Variants in PPM1F observed in about 807,000 individuals in gnomAD.
PPM1F encodes protein phosphatase, Mg2+/Mn2+ dependent 1F.
Under a neutral mutation model 35.5 loss-of-function variants are expected in PPM1F, and 17 were observed. The observed-to-expected ratio is 0.48, with a 90% CI of 0.33 to 0.72. The LOEUF is 0.72. PPM1F is among the 30% of genes least tolerant of loss of function. The pLI, the probability that PPM1F is intolerant of heterozygous loss-of-function variation, is 0.02. For missense variants in PPM1F, 521 were observed against 613.0 expected, an observed-to-expected ratio of 0.85 and a Z score of 1.59; for synonymous variants, 241 against 255.5, an observed-to-expected ratio of 0.94 and a Z score of 0.54.
chr22:21,937,802 G>C (rs1243403976), intron 3 of PPM1F: 1 of 265,328 alleles, frequency 3.8e-6, no homozygotes, highest in Non-Finnish European at 7.6e-6. Context: ...GGCTGAGGCA[G>C]TGCTGCCCAG....
intron 7 of PPM1F, among the ~76,000 whole-genome samples, chr22:21,924,597 G>A (rs1012013900): frequency 3.0e-5 from 4 of 135,276 alleles, no homozygotes; most frequent in South Asian, 2.3e-4. Context: ...TTGAGACACA[G>A]TCTGGCTCTG....
chr22:21,935,025 G>T (rs5995269), intron 3 of PPM1F: 2 of 151,974 alleles, frequency 1.3e-5, no homozygotes, highest in African/African-American at 4.8e-5. Context: ...AACAATGAAG[G>T]CTGTTCACAT....
At chr22:21,928,090 C>T (rs2070542405) in intron 6 of PPM1F, among the ~76,000 whole-genome samples, 1 of 151,538 alleles carries the variant, frequency 6.6e-6, no homozygotes. Context: ...CTGCCCAGCG[C>T]CCACCCCCTC....
chr22:21,925,376 T>A (rs1238776545), intron 7 of PPM1F, 193 bp downstream of exon 7: 1 of 563,704 alleles, frequency 1.8e-6, no homozygotes, highest in Non-Finnish European at 3.3e-6. Flanking sequence ...TAACTTACAC[T>A]CAGACACTGG....
In PPM1F at chr22:21,920,879, G is replaced by A. The variant is rs902022195; in HGVS notation, c.*2213C>T. On this transcript the variant is annotated 3_prime_UTR_variant, in exon 8 of 8. Coordinates refer to ENST00000263212, the MANE Select transcript of PPM1F (RefSeq NM_014634.4). ...CTCTCTTCGTCAAGGTTATGCCCAC[G>A]GGCAGGGTGGGCTAGTGGTGAGGGT... is the stretch of plus-strand genomic sequence containing the variant. The A allele has an allele frequency of 2.6e-5, 4 of 152,232 alleles. No individual in the cohort carries two copies. Among genetic ancestry groups the A allele is most frequent in the African/African-American group, 9.7e-5 (4 of 41,450 alleles). The allele number at this position is 152,232 out of a possible 1,614,324, so 9.4% of individuals were successfully genotyped here. A position where few individuals can be genotyped will look rare whatever the true frequency, so the allele number is the denominator to read the frequency against.
At chr22:21,947,413 G>A (rs2070788096) in intron 1 of PPM1F, 1 of 152,218 alleles carries the variant, frequency 6.6e-6, no homozygotes, top group African/African-American at 2.4e-5. Context: ...TAACACTCAG[G>A]CTGGGAAACT....
chr22:21,939,660 G>GC lies in PPM1F; in HGVS notation c.226dup (p.Ala76GlyfsTer35), dbSNP rs1467489254. The GC allele has an allele frequency of 6.4e-7, 1 of 1,553,488 alleles. No homozygotes were observed. The highest frequency in any genetic ancestry group is 8.7e-7 in the Non-Finnish European group (1 of 1,147,762). ...AACTGCTTCGTGGGCCAGAGCAGCA[G>GC]CAAGTGGTGGCGGGGCCTTCCTAGG... On this transcript the variant is annotated frameshift_variant, in exon 3 of 8. Transcript: ENST00000263212. LOFTEE classifies it high-confidence loss of function. This position sits in a 1 kb window ranked among gnomAD's most constrained non-coding sequence, Gnocchi z 5.1.
At position 21,924,228 on chromosome 22, in the gene PPM1F, C is replaced by T. The variant is rs2070482974; in HGVS notation, c.986-757G>A. ...AGTGCCCACAGCCTGAGACCCGGCA[C>T]TGACCGCATGCTGAGACAATGAGAT... is the stretch of plus-strand genomic sequence containing the variant. On this transcript the variant is annotated intron_variant, in intron 7 of 7. Transcript: ENST00000263212. Among the ~76,000 whole-genome samples the T allele has an allele frequency of 2.0e-5, 3 of 151,256 alleles. No homozygotes were observed. The South Asian group carries it at 6.3e-4, about 32-fold the overall frequency.
Position 21,938,441 on chromosome 22 carries a change from C to T in PPM1F, c.355+1091G>A, listed in dbSNP as rs542629629. 116 of 1,150,852 alleles carry T rather than the reference C, an allele frequency of 1.0e-4. 2 individuals are homozygous for T. The African/African-American group carries it at 1.9e-3, about 19-fold the overall frequency. The allele number at this position is 1,150,852 out of a possible 1,614,324, so 71.3% of individuals were successfully genotyped here. On this transcript the variant is annotated intron_variant, in intron 3 of 7. Transcript: ENST00000263212. ...GCGGGCAGGGAGCCAGGGCGGAGGGCAGAGGACGAGAGCGAGGAGGAGAGC... is the reference window on the plus strand; with the variant it reads ...GCGGGCAGGGAGCCAGGGCGGAGGGTAGAGGACGAGAGCGAGGAGGAGAGC...
intron 6 of PPM1F, among the ~76,000 whole-genome samples, chr22:21,927,942 G>GTTTTTTTTTTTTTTTTTTTTT (rs60216371): frequency 5.5e-4 from 41 of 75,146 alleles, no homozygotes; most frequent in South Asian, 1.3e-3. Flanking sequence ...TTTTTGTTTT[G>GTTTTTTTTTTTTTTTTTTTTT]TTTTTTTTTT....
intron 2 of PPM1F, chr22:21,944,319 A>C (rs2070756270): frequency 6.6e-6 from 1 of 152,222 alleles, no homozygotes; most frequent in Non-Finnish European, 1.5e-5. Context: ...GACACTTAGC[A>C]ATGTTTGTGC....
intron 3 of PPM1F, chr22:21,936,431 G>A (rs2070659944): frequency 6.6e-6 from 1 of 152,120 alleles, no homozygotes. Flanking sequence ...TTCATTACAA[G>A]TGTTAGTCTC....
At chr22:21,933,682 T>C (rs776615466) in intron 4 of PPM1F, 103 bp from the exon 5 acceptor site, 105 of 1,113,702 alleles carry the variant, frequency 9.4e-5, no homozygotes, top group Non-Finnish European at 1.3e-4. Flanking sequence ...AGAATCAGTA[T>C]GGCCTTCGCC....
intron 3 of PPM1F, chr22:21,938,434 C>T (rs1328954353): frequency 3.5e-6 from 4 of 1,154,026 alleles, no homozygotes; most frequent in Non-Finnish European, 4.3e-6. Flanking sequence ...GGAGCCAGGG[C>T]GGAGGGCAGA....
In PPM1F at chr22:21,946,029, T is replaced by C; in HGVS notation, c.20A>G (p.Gln7Arg). Residue 7 changes from glutamine to arginine, a missense_variant, in exon 2 of 8, where the codon CAG (glutamine) becomes CGG (arginine). This residue lies in a region of PPM1F where 311 missense variants were observed against 351.5 expected (regional missense o/e 0.88). Coordinates refer to ENST00000263212, the MANE Select transcript of PPM1F (RefSeq NM_014634.4). ...TCCACTGGCCATTGGGCTGCTCTTCTGTGGGGCTCCAGAGGACATGCCCAA... is the reference window on the plus strand; with the variant it reads ...TCCACTGGCCATTGGGCTGCTCTTCCGTGGGGCTCCAGAGGACATGCCCAA... MSSGAP[Q>R]KSSPMASGAE... is the part of the protein sequence containing the mutation. The C allele has an allele frequency of 6.4e-7, 1 of 1,562,392 alleles. No individual in the cohort carries two copies. Among genetic ancestry groups the C allele is most frequent in the Non-Finnish European group, 8.7e-7 (1 of 1,152,354 alleles).
At chr22:21,926,828 T>C (rs2070522061) in intron 6 of PPM1F, among the ~76,000 whole-genome samples, 1 of 152,128 alleles carries the variant, frequency 6.6e-6, no homozygotes. Context: ...TGGTGTCCCC[T>C]AGACAGATTG....
In PPM1F at chr22:21,923,329, C is replaced by T; in HGVS notation, c.1128G>A (p.Gln376=). Residue 376 remains glutamine, a synonymous_variant, in exon 8 of 8, where the codon CAG becomes CAA. Coordinates refer to ENST00000263212, the MANE Select transcript of PPM1F (RefSeq NM_014634.4). ...TGCCCTGCTGCCTGGTCAGGTGGCT[C>T]TGGACCAGGCCAACAACTTCCTGGT... ...VPHQEVVGLV[Q]SHLTRQQGSG... is the part of the protein sequence containing the mutation. 2 of 1,613,716 alleles carry T rather than the reference C, an allele frequency of 1.2e-6. No homozygotes were observed. The highest frequency in any genetic ancestry group is 1.7e-6 in the Non-Finnish European group (2 of 1,179,972).
At chr22:21,923,740 C>T (rs1322360711) in intron 7 of PPM1F, among the ~76,000 whole-genome samples, 1 of 151,956 alleles carries the variant, frequency 6.6e-6, no homozygotes, top group Admixed American at 6.6e-5. Context: ...TGCAGTGGCG[C>T]GATCTCAGCT....
intron 5 of PPM1F, among the ~76,000 whole-genome samples, chr22:21,932,032 G>A (rs559198210): frequency 6.6e-6 from 1 of 151,886 alleles, no homozygotes; most frequent in East Asian, 1.9e-4. Flanking sequence ...TGGCCAGGCT[G>A]GTCTCAAACT....
Sources: allele counts gnomAD v4.1 joint callset (sites outside exome capture counted in the v4.1 genomes callset), GRCh38; gene constraint gnomAD v4.1.1; regional missense constraint gnomAD v4.1.1; non-coding constraint Gnocchi (gnomAD v3.1); transcripts MANE v1.5; gene names NCBI Gene and HGNC (gene_info 2026-07-23, HGNC 2026-07-21).